Variants in ABCC4 observed in about 807,000 individuals in gnomAD.
The protein encoded by ABCC4 is ATP binding cassette subfamily C member 4 (PEL blood group), also known as ATP-binding cassette sub-family C member 4.
ABCC4 carries 102 observed loss-of-function variants against 168.5 expected under a neutral mutation model. The observed-to-expected ratio is 0.61, with a 90% CI of 0.52 to 0.71. The LOEUF (loss-of-function observed/expected upper bound fraction) is 0.71, where lower values mean the gene tolerates loss of function less well. ABCC4 is among the 30% of genes least tolerant of loss of function. The probability of loss-of-function intolerance (pLI) is 0.00; values close to 1 mark genes in which losing one functional copy is unlikely to be tolerated. For synonymous variants in ABCC4, 617 were observed against 590.7 expected (o/e 1.04, Z -0.65); for missense variants, 1,402 against 1,605.8 (o/e 0.87, Z 2.17).
intron 8 of ABCC4, among the ~76,000 whole-genome samples, chr13:95,202,180 C>T (rs890757703): frequency 6.6e-6 from 1 of 152,184 alleles, no homozygotes; most frequent in African/African-American, 2.4e-5. Flanking sequence ...AAAAGACCTA[C>T]AAAGAAAAGG....
At chr13:95,083,059 A>C in intron 21 of ABCC4, 81 bp downstream of exon 21, 1 of 1,498,504 alleles carries the variant, frequency 6.7e-7, no homozygotes, top group Non-Finnish European at 9.0e-7. Flanking sequence ...GAGTCTGCCG[A>C]ATTTCAGGGG....
At position 95,095,333 on chromosome 13, in the gene ABCC4, T is replaced by TCTAA. The variant is rs1331296645; in HGVS notation, c.2536-12044_2536-12043insTTAG. ...ATCTATCTATCTATCTATCTATCTATCTATCTGATGGAATACTCCTCAACC... is the reference window on the plus strand; with the variant it reads ...ATCTATCTATCTATCTATCTATCTATCTAACTATCTGATGGAATACTCCTCAACC... On this transcript the variant is annotated intron_variant, in intron 20 of 30. Coordinates refer to ENST00000645237, the MANE Select transcript of ABCC4 (RefSeq NM_005845.5). Among the ~76,000 whole-genome samples the TCTAA allele has an allele frequency of 5.3e-5, 8 of 149,996 alleles. No individual in the cohort carries two copies. The South Asian group carries it at 8.4e-4, about 16-fold the overall frequency.
intron 4 of ABCC4, among the ~76,000 whole-genome samples, chr13:95,218,912 A>AG (rs1555332668): frequency 5.9e-5 from 7 of 119,552 alleles, no homozygotes; most frequent in Admixed American, 8.4e-5. Flanking sequence ...AGAAAGAGAG[A>AG]GAGAGAGAAA....
Position 95,239,762 on chromosome 13 carries a change from TTA to T in ABCC4, c.307-4930_307-4929del, listed in dbSNP as rs201815508. On this transcript the variant is annotated intron_variant, in intron 3 of 30. Transcript: ENST00000645237. ...TCACTCATTATTTTGAAAATCGGTT[TTA>T]AAAAAAAATAACAAAATTAATCATT... Among the ~76,000 whole-genome samples, 13 of 152,222 alleles carry T rather than the reference TTA, an allele frequency of 8.5e-5. No homozygotes were observed. The East Asian group carries it at 1.7e-3, about 20-fold the overall frequency.
At chr13:95,283,215 CAA>C (rs1262067135) in intron 1 of ABCC4, among the ~76,000 whole-genome samples, 25 of 101,024 alleles carry the variant, frequency 2.5e-4, no homozygotes, top group African/African-American at 2.4e-4. Context: ...GACTCCAACT[CAA>C]AAAAAAAAAA....
At chr13:95,062,949 A>C in intron 25 of ABCC4, 90 bp from the exon 26 acceptor site, 1 of 1,414,984 alleles carries the variant, frequency 7.1e-7, no homozygotes, top group South Asian at 1.4e-5. Flanking sequence ...CGGTTTTTGA[A>C]GAAGAATTAA....
Position 95,159,093 on chromosome 13 carries a change from T to TTATATATATATATA in ABCC4, c.2455+2082_2455+2095dup, listed in dbSNP as rs554884258. Reference sequence around the variant, plus strand: ...ATGAGACCTTATTTCTAAATAAATTTTATATATATATATATATATATATAT... The same window carrying TTATATATATATATA: ...ATGAGACCTTATTTCTAAATAAATTTTATATATATATATATATATATATATATATATATATATAT... On this transcript the variant is annotated intron_variant, in intron 19 of 30. Coordinates refer to ENST00000645237, the MANE Select transcript of ABCC4 (RefSeq NM_005845.5). Among the ~76,000 whole-genome samples, 415 of 60,972 alleles carry TTATATATATATATA rather than the reference T, an allele frequency of 6.8e-3. 17 individuals are homozygous for TTATATATATATATA. The highest frequency in any genetic ancestry group is 0.012 in the East Asian group (15 of 1,230). 40.0% of individuals were successfully genotyped at this position (60,972 alleles called of 152,430 possible).
chr13:95,088,031 A>G lies in ABCC4; in HGVS notation c.2536-4741T>C, dbSNP rs564790705. ...CTTTCATCCCTCATATGCTAATCTG[A>G]TCTTTTGACATCCAGCGCTGGTACC... is the stretch of plus-strand genomic sequence containing the variant. On this transcript the variant is annotated intron_variant, in intron 20 of 30. Transcript: ENST00000645237. Among the ~76,000 whole-genome samples the G allele has an allele frequency of 6.6e-5, 10 of 152,180 alleles. No individual in the cohort carries two copies. The East Asian group carries it at 1.9e-3, about 29-fold the overall frequency.
At chr13:95,086,417 T>C (rs1262596905) in intron 20 of ABCC4, among the ~76,000 whole-genome samples, 1 of 152,186 alleles carries the variant, frequency 6.6e-6, no homozygotes, top group Non-Finnish European at 1.5e-5. Flanking sequence ...ATATTCAATA[T>C]CTATATTTGA....
chr13:95,290,510 G>C (rs1050742682), intron 1 of ABCC4, among the ~76,000 whole-genome samples: 4 of 152,036 alleles, frequency 2.6e-5, no homozygotes, highest in African/African-American at 9.7e-5. Context: ...TTCGAGACTA[G>C]CATGGCCAAC....
At chr13:95,245,542 G>A in intron 3 of ABCC4, among the ~76,000 whole-genome samples, 1 of 152,198 alleles carries the variant, frequency 6.6e-6, no homozygotes, top group South Asian at 2.1e-4. Context: ...AAGAGGGGCT[G>A]GGAGAACCTG....
At chr13:95,096,081 G>A in intron 20 of ABCC4, 2 of 477,398 alleles carry the variant, frequency 4.2e-6, no homozygotes, top group South Asian at 3.9e-5. Context: ...AGTGGCTCAT[G>A]CCTATAATCC....
intron 26 of ABCC4, among the ~76,000 whole-genome samples, chr13:95,055,333 C>A (rs2139269871): frequency 6.6e-6 from 1 of 152,318 alleles, no homozygotes; most frequent in Middle Eastern, 3.4e-3. Flanking sequence ...AACATACAAT[C>A]TTCATGTAAA....
chr13:95,227,247 GCT>G (rs1205737524), intron 4 of ABCC4, among the ~76,000 whole-genome samples: 4 of 152,088 alleles, frequency 2.6e-5, no homozygotes, highest in African/African-American at 9.7e-5. Flanking sequence ...TGCTTTCTTA[GCT>G]CAAACTCCAA....
intron 30 of ABCC4, among the ~76,000 whole-genome samples, chr13:95,025,250 CA>C (rs1422831898): frequency 6.4e-5 from 2 of 31,428 alleles, no homozygotes; most frequent in Admixed American, 3.5e-4. Flanking sequence ...CACACACCCA[CA>C]CACACACACA....
chr13:95,250,044 A>G (rs1480688424), intron 1 of ABCC4, among the ~76,000 whole-genome samples: 1 of 152,252 alleles, frequency 6.6e-6, no homozygotes, highest in Non-Finnish European at 1.5e-5. Flanking sequence ...AGCTGGGCTG[A>G]AAAGATGTGG....
chr13:95,047,476 CTTTTTTTT>C (rs71111586), intron 27 of ABCC4, among the ~76,000 whole-genome samples: 22 of 83,370 alleles, frequency 2.6e-4, no homozygotes, highest in African/African-American at 1.1e-3. Flanking sequence ...ACTGCCTATT[CTTTTTTTT>C]TTTTTTTTTT....
intron 21 of ABCC4, 83 bp downstream of exon 21, chr13:95,083,057 C>T (rs1006964786): frequency 1.8e-5 from 26 of 1,471,612 alleles, no homozygotes; most frequent in African/African-American, 4.2e-5. Context: ...CAGAGTCTGC[C>T]GAATTTCAGG....
intron 24 of ABCC4, among the ~76,000 whole-genome samples, chr13:95,072,405 G>A (rs2033761395): frequency 1.3e-5 from 2 of 152,114 alleles, no homozygotes; most frequent in African/African-American, 4.8e-5. Flanking sequence ...AGGTTGCAGT[G>A]AGCCAAGATC....
Sources: gnomAD v4.1 joint callset for allele counts (sites outside exome capture counted in the v4.1 genomes callset) on GRCh38, gnomAD v4.1.1 for gene constraint, MANE v1.5 for transcripts, NCBI Gene and HGNC (gene_info 2026-07-23, HGNC 2026-07-21) for gene names.